Variants in SMCHD1 observed in about 807,000 individuals in gnomAD.
SMCHD1 encodes structural maintenance of chromosomes flexible hinge domain containing 1, also known as structural maintenance of chromosomes flexible hinge domain-containing protein 1.
In SMCHD1, 78 loss-of-function variants were observed where a neutral mutation model predicts 254.7. That is an observed-to-expected ratio of 0.31 (90% CI 0.26 to 0.37). The LOEUF is 0.37. Among genes scored for constraint, SMCHD1 ranks in the 10% least tolerant of loss-of-function variants. The probability of loss-of-function intolerance (pLI) is 1.00; values close to 1 mark genes in which losing one functional copy is unlikely to be tolerated. For missense variants in SMCHD1, 1,840 were observed against 2,408.1 expected (o/e 0.76, Z 4.94); for synonymous variants, 766 against 794.9 (o/e 0.96, Z 0.61).
chr18:2,752,864 G>T, intron 34 of SMCHD1: 1 of 206,018 alleles, frequency 4.9e-6, no homozygotes. Context: ...GATTAGACTG[G>T]CTTTTAACAT....
chr18:2,688,234 A>G (rs1259745091), intron 5 of SMCHD1, among the ~76,000 whole-genome samples, 160 bp from the exon 6 acceptor site: 1 of 152,220 alleles, frequency 6.6e-6, no homozygotes, highest in Non-Finnish European at 1.5e-5. Flanking sequence ...ACACTTTGAG[A>G]TGCACTGGAG....
chr18:2,769,000 T>G (rs7359828), intron 37 of SMCHD1, among the ~76,000 whole-genome samples: 45,119 of 151,780 alleles, frequency 0.3, 6,893 homozygotes, highest in East Asian at 0.5. Context: ...TTAGATTTTT[T>G]AAAAATACTA....
At chr18:2,746,080 T>C (rs1031541757) in intron 29 of SMCHD1, among the ~76,000 whole-genome samples, 6 of 152,264 alleles carry the variant, frequency 3.9e-5, no homozygotes, top group South Asian at 2.1e-4. Flanking sequence ...CCCAACACTT[T>C]GGGAGACCAA....
chr18:2,692,873 C>G (rs2074209342), intron 7 of SMCHD1, among the ~76,000 whole-genome samples: 2 of 152,202 alleles, frequency 1.3e-5, no homozygotes, highest in Non-Finnish European at 2.9e-5. Context: ...CTATCTTTCT[C>G]AGGCCCAAGT....
intron 5 of SMCHD1, among the ~76,000 whole-genome samples, chr18:2,675,012 T>G (rs1181137665): frequency 6.6e-6 from 1 of 152,226 alleles, no homozygotes; most frequent in Non-Finnish European, 1.5e-5. Flanking sequence ...TCTTGTATCA[T>G]TTGAACCTGG....
rs377273773 is a variant in SMCHD1, at chr18:2,751,271, A to G, written c.4166-7A>G. ...AAGAGATAATTTTTTAACGTTTACCATGACAGATTTTATGATTAGTGTTAT... is the reference window on the plus strand; with the variant it reads ...AAGAGATAATTTTTTAACGTTTACCGTGACAGATTTTATGATTAGTGTTAT... On this transcript the variant is annotated splice_region_variant and splice_polypyrimidine_tract_variant and intron_variant, in intron 32 of 47. Transcript: ENST00000320876. The G allele has an allele frequency of 2.1e-5, 31 of 1,485,968 alleles. No individual in the cohort carries two copies. In the African/African-American group the frequency reaches 3.7e-4, roughly 18 times the overall value. 92.0% of individuals were successfully genotyped at this position (1,485,968 alleles called of 1,614,324 possible). A position where few individuals can be genotyped will look rare whatever the true frequency, so the allele number is the denominator to read the frequency against.
At chr18:2,702,292 T>TAAAAAAAAAAAA (rs566510291) in intron 12 of SMCHD1, 1 of 35,860 alleles carries the variant, frequency 2.8e-5, no homozygotes. Flanking sequence ...CTTCTGTATT[T>TAAAAAAAAAAAA]AAAAAAAAAA....
intron 7 of SMCHD1, among the ~76,000 whole-genome samples, chr18:2,689,512 C>T (rs888694691): frequency 2.0e-5 from 3 of 151,678 alleles, no homozygotes; most frequent in South Asian, 2.1e-4. Flanking sequence ...TGAGCCACCG[C>T]GCCCAGCCTG....
At chr18:2,726,319 TA>T in intron 21 of SMCHD1, 132 bp from the exon 22 acceptor site, 1 of 453,500 alleles carries the variant, frequency 2.2e-6, no homozygotes, top group South Asian at 3.4e-5. Flanking sequence ...ATAATTTTAG[TA>T]AGTATAAAGT....
intron 37 of SMCHD1, among the ~76,000 whole-genome samples, chr18:2,767,896 C>T (rs531240283): frequency 1.3e-5 from 2 of 152,152 alleles, no homozygotes; most frequent in Admixed American, 1.3e-4. Context: ...AGCAGCATAA[C>T]CTGTTTCTCC....
At chr18:2,694,826 G>T (rs911102866) in intron 8 of SMCHD1, 133 bp downstream of exon 8, 1 of 693,164 alleles carries the variant, frequency 1.4e-6, no homozygotes. Flanking sequence ...GTATTATCCA[G>T]TACTCTGATA....
rs1158517472 is a variant in SMCHD1 at position 2,700,520 on chromosome 18, A to G, written c.1343-19A>G. ...ATTTTAGCAATAAACATTTTGTTCC[A>G]TTTGCCCTTTTGATCTAGAATTAAA... On this transcript the variant is annotated intron_variant, in intron 10 of 47. Coordinates refer to ENST00000320876, the MANE Select transcript of SMCHD1 (RefSeq NM_015295.3). The G allele has an allele frequency of 3.8e-6, 6 of 1,591,198 alleles. No homozygotes were observed. Among genetic ancestry groups the G allele is most frequent in the Admixed American group, 1.8e-5 (1 of 54,266 alleles).
chr18:2,739,570 T>A (rs1446681071), intron 27 of SMCHD1, 50 bp downstream of exon 27: 1 of 1,450,580 alleles, frequency 6.9e-7, no homozygotes, highest in Admixed American at 1.8e-5. Context: ...TCTTCTGTGA[T>A]GTTTCCTTCC....
chr18:2,662,118 C>T (rs1468887410), intron 1 of SMCHD1, among the ~76,000 whole-genome samples: 6 of 138,762 alleles, frequency 4.3e-5, no homozygotes, highest in African/African-American at 1.7e-4. Flanking sequence ...GAGATTGCGC[C>T]ACTGCAGTCC....
At chr18:2,684,283 C>G (rs1193082941) in intron 5 of SMCHD1, among the ~76,000 whole-genome samples, 3 of 152,096 alleles carry the variant, frequency 2.0e-5, no homozygotes, top group Non-Finnish European at 4.4e-5. Context: ...GAAAATAATA[C>G]TGGATATTAT....
chr18:2,731,019 C>G (rs867539361), intron 24 of SMCHD1, among the ~76,000 whole-genome samples: 10 of 152,110 alleles, frequency 6.6e-5, no homozygotes, highest in African/African-American at 2.4e-4. Context: ...AGGAGAAGAC[C>G]AAGAATTCAG....
intron 42 of SMCHD1, among the ~76,000 whole-genome samples, chr18:2,777,059 A>ACC (rs1397767297): frequency 4.5e-4 from 20 of 44,352 alleles, no homozygotes; most frequent in South Asian, 2.0e-3. Flanking sequence ...ATGCACCACC[A>ACC]CCTCCCCCCC....
At chr18:2,800,168 A>G (rs1168912102) in intron 47 of SMCHD1, among the ~76,000 whole-genome samples, 1 of 151,932 alleles carries the variant, frequency 6.6e-6, no homozygotes, top group Non-Finnish European at 1.5e-5. Flanking sequence ...AAAGAGTGAG[A>G]AGTCCAGCAA....
At position 2,775,943 on chromosome 18, in the gene SMCHD1, T is replaced by C; in HGVS notation, c.5366+19T>C. ...GGAAAAGGTTAGAAAAAAGTGAAAG[T>C]AATTTTTTTTCTGAAATATATTTTC... On this transcript the variant is annotated intron_variant, in intron 42 of 47. Transcript: ENST00000320876. 10 of 1,536,856 alleles carry C rather than the reference T, an allele frequency of 6.5e-6. No homozygotes were observed. The highest frequency in any genetic ancestry group is 8.7e-6 in the Non-Finnish European group (10 of 1,149,104).
Sources: gnomAD v4.1 joint callset for allele counts (sites outside exome capture counted in the v4.1 genomes callset) on GRCh38, gnomAD v4.1.1 for gene constraint, MANE v1.5 for transcripts, NCBI Gene and HGNC (gene_info 2026-07-23, HGNC 2026-07-21) for gene names.